EEFSEC: variants seen among roughly 807,000 people sequenced by gnomAD.
The protein encoded by EEFSEC is eukaryotic elongation factor, selenocysteine-tRNA specific, also known as selenocysteine-specific elongation factor.
EEFSEC carries 43 observed loss-of-function variants against 42.1 expected under a neutral mutation model. That is an observed-to-expected ratio of 1.02 (90% CI 0.80 to 1.32). The LOEUF (loss-of-function observed/expected upper bound fraction) is 1.32, where lower values mean the gene tolerates loss of function less well. EEFSEC is among the 40% of genes most tolerant of loss of function. The probability of loss-of-function intolerance (pLI) is 0.00; values close to 1 mark genes in which losing one functional copy is unlikely to be tolerated. For missense variants in EEFSEC, 745 were observed against 803.6 expected (o/e 0.93, Z 0.88); for synonymous variants, 354 against 339.1 (o/e 1.04, Z -0.48).
intron 6 of EEFSEC, among the ~76,000 whole-genome samples, chr3:128,404,070 T>A (rs2068081119): frequency 6.6e-6 from 1 of 152,080 alleles, no homozygotes; most frequent in Non-Finnish European, 1.5e-5. Context: ...ACCCGCAGAG[T>A]CTGGCTGGGT....
At chr3:128,196,405 G>A (rs1445089498) in intron 1 of EEFSEC, among the ~76,000 whole-genome samples, 5 of 152,052 alleles carry the variant, frequency 3.3e-5, no homozygotes, top group East Asian at 1.9e-4. Context: ...AAATACAGTG[G>A]CCCTTTATAT....
At position 128,358,731 on chromosome 3, in the gene EEFSEC, G is replaced by A. The variant is rs192336285; in HGVS notation, c.1600+358G>A. ...TGGAGAAGAGCAGGTGAGGGAGACC[G>A]CTGGGGGCCTGGCATACTGTCCTGG... On this transcript the variant is annotated intron_variant, in intron 6 of 6. Transcript: ENST00000254730. Among the ~76,000 whole-genome samples, 15 of 152,318 alleles carry A rather than the reference G, an allele frequency of 9.8e-5. No individual in the cohort carries two copies. In the East Asian group the frequency reaches 2.1e-3, roughly 22 times the overall value.
intron 1 of EEFSEC, among the ~76,000 whole-genome samples, chr3:128,193,504 AC>A (rs2065549126): frequency 6.6e-6 from 1 of 152,198 alleles, no homozygotes; most frequent in Admixed American, 6.5e-5. Flanking sequence ...TTATCCAGTT[AC>A]GTAATTTTTT....
chr3:128,228,280 G>A (rs2065927601), intron 1 of EEFSEC, among the ~76,000 whole-genome samples: 1 of 152,130 alleles, frequency 6.6e-6, no homozygotes, highest in South Asian at 2.1e-4. Flanking sequence ...AGGGATTGTG[G>A]GGCTCTGAGG....
chr3:128,173,658 G>C (rs1052879735), intron 1 of EEFSEC, among the ~76,000 whole-genome samples: 1 of 152,194 alleles, frequency 6.6e-6, no homozygotes. Context: ...TCTCCTTATC[G>C]GTTCCCCTAC....
chr3:128,270,304 A>G (rs1324363076), intron 4 of EEFSEC, among the ~76,000 whole-genome samples: 1 of 152,196 alleles, frequency 6.6e-6, no homozygotes, highest in East Asian at 1.9e-4. Flanking sequence ...GGTCCTGTTC[A>G]GGGCTACTAA....
intron 4 of EEFSEC, among the ~76,000 whole-genome samples, chr3:128,273,840 C>T (rs2066439680): frequency 6.6e-6 from 1 of 152,222 alleles, no homozygotes; most frequent in South Asian, 2.1e-4. Flanking sequence ...AGGAGTGGTG[C>T]TGCCCCACTG....
At position 128,341,505 on chromosome 3, in the gene EEFSEC, T is replaced by C. The variant is rs779168022; in HGVS notation, c.1059T>C (p.Pro353=). The C allele has an allele frequency of 4.3e-6, 7 of 1,614,188 alleles. No homozygotes were observed. The East Asian group carries it at 8.9e-5, about 21-fold the overall frequency. The change falls in exon 5 of 7, where the codon CCT becomes CCC. Residue 353 remains proline, a synonymous_variant. Coordinates refer to ENST00000254730, the MANE Select transcript of EEFSEC (RefSeq NM_021937.5). The part of the protein sequence containing the change: ...TVMGRLMFFS[P]APDNFDQEPI... ...TGGGCCGGTTGATGTTCTTCAGTCC[T>C]GCTCCAGATAACTTTGACCAGGAGC...
intron 5 of EEFSEC, among the ~76,000 whole-genome samples, chr3:128,343,825 G>A (rs2067283021): frequency 6.6e-6 from 1 of 152,194 alleles, no homozygotes; most frequent in South Asian, 2.1e-4. Flanking sequence ...CCAACCTGGG[G>A]CCACCAGCAT....
In EEFSEC at chr3:128,317,429, C is replaced by T. The variant is rs2066959006; in HGVS notation, c.787-23804C>T. ...TTGGTGCTGCTGCATGCCAGGCACA[C>T]TGTGAGAACTGTGGACATGCTCAGG... is the stretch of plus-strand genomic sequence containing the variant. On this transcript the variant is annotated intron_variant, in intron 4 of 6. Transcript: ENST00000254730. This position sits in a 1 kb window ranked among gnomAD's most constrained non-coding sequence, Gnocchi z 4.1. Among the ~76,000 whole-genome samples the T allele has an allele frequency of 6.6e-6, 1 of 152,222 alleles. No individual in the cohort carries two copies. Among genetic ancestry groups the T allele is most frequent in the South Asian group, 2.1e-4 (1 of 4,832 alleles).
At chr3:128,365,171 C>T (rs2067574890) in intron 6 of EEFSEC, among the ~76,000 whole-genome samples, 1 of 152,236 alleles carries the variant, frequency 6.6e-6, no homozygotes, top group Admixed American at 6.5e-5. Flanking sequence ...CCTCCGTGTA[C>T]AGACCTGTCT....
chr3:128,228,144 T>G (rs906703933), intron 1 of EEFSEC, among the ~76,000 whole-genome samples: 6 of 152,206 alleles, frequency 3.9e-5, no homozygotes, highest in Non-Finnish European at 8.8e-5. Context: ...TACATATTTG[T>G]TGAGCACCTA....
chr3:128,325,519 G>T (rs966198138), intron 4 of EEFSEC, among the ~76,000 whole-genome samples: 29 of 152,318 alleles, frequency 1.9e-4, no homozygotes, highest in African/African-American at 6.7e-4. Context: ...TCTCCGGGAA[G>T]ATGTTTGCAC....
At position 128,408,631 on chromosome 3, in the gene EEFSEC, GC is replaced by G. The variant is rs2068151170; in HGVS notation, c.*376del. On this transcript the variant is annotated 3_prime_UTR_variant, in exon 7 of 7. Transcript: ENST00000254730. ...GATGGCTACAAATAAATGTCCCGTG[GC>G]CCCAGCCCACTCTACTGGTGTCTCT... The G allele has an allele frequency of 5.3e-6, 1 of 188,426 alleles. No homozygotes were observed. The highest frequency in any genetic ancestry group is 1.1e-5 in the Non-Finnish European group (1 of 92,286). 11.7% of individuals were successfully genotyped at this position (188,426 alleles called of 1,614,324 possible). A position where few individuals can be genotyped will look rare whatever the true frequency, so the allele number is the denominator to read the frequency against.
At chr3:128,180,238 A>G (rs2065391646) in intron 1 of EEFSEC, among the ~76,000 whole-genome samples, 1 of 152,210 alleles carries the variant, frequency 6.6e-6, no homozygotes, top group Non-Finnish European at 1.5e-5. Flanking sequence ...CAAAACTACG[A>G]AGGACTTCAA....
chr3:128,192,237 A>G (rs2107805004), intron 1 of EEFSEC, among the ~76,000 whole-genome samples: 1 of 152,170 alleles, frequency 6.6e-6, no homozygotes, highest in African/African-American at 2.4e-5. Flanking sequence ...TCCATCTGTA[A>G]AACAGGGCTG....
chr3:128,292,850 T>C (rs1040703070), intron 4 of EEFSEC, among the ~76,000 whole-genome samples: 2 of 152,104 alleles, frequency 1.3e-5, no homozygotes, highest in Non-Finnish European at 2.9e-5. Context: ...TTGGGTTTAC[T>C]CTGCTGATCT....
In EEFSEC at chr3:128,341,417, A is replaced by G; in HGVS notation, c.971A>G (p.Tyr324Cys). The G allele has an allele frequency of 6.2e-7, 1 of 1,614,096 alleles. No individual in the cohort carries two copies. Among genetic ancestry groups the G allele is most frequent in the Non-Finnish European group, 8.5e-7 (1 of 1,180,028 alleles). ...CTCATCTCTGTGGAAAAGATACCGTATTTCCGGGGGCCCCTGCAAACCAAG... is the reference window on the plus strand; with the variant it reads ...CTCATCTCTGTGGAAAAGATACCGTGTTTCCGGGGGCCCCTGCAAACCAAG... ...AALISVEKIP[Y>C]FRGPLQTKAK... The change falls in exon 5 of 7, where the codon TAT (tyrosine) becomes TGT (cysteine). Residue 324 changes from tyrosine to cysteine, a missense_variant. Coordinates refer to ENST00000254730, the MANE Select transcript of EEFSEC (RefSeq NM_021937.5).
At chr3:128,401,671 G>C (rs952212164) in intron 6 of EEFSEC, among the ~76,000 whole-genome samples, 3 of 152,172 alleles carry the variant, frequency 2.0e-5, no homozygotes, top group African/African-American at 7.2e-5. Flanking sequence ...GAGAATAGAC[G>C]CTTCTGTTGG....
Sources: allele counts gnomAD v4.1 joint callset (sites outside exome capture counted in the v4.1 genomes callset), GRCh38; gene constraint gnomAD v4.1.1; non-coding constraint Gnocchi (gnomAD v3.1); transcripts MANE v1.5; gene names NCBI Gene and HGNC (gene_info 2026-07-23, HGNC 2026-07-21).